CTNNA3: variants seen among roughly 807,000 people sequenced by gnomAD.
The protein encoded by CTNNA3 is catenin alpha 3.
Under a neutral mutation model 95.7 loss-of-function variants are expected in CTNNA3, and 76 were observed. The observed-to-expected ratio is 0.79, with a 90% CI of 0.66 to 0.96. The LOEUF is 0.96. Ranked by LOEUF, CTNNA3 falls within the 40% of genes least tolerant of loss-of-function variation. The probability of loss-of-function intolerance (pLI) is 0.00; values close to 1 mark genes in which losing one functional copy is unlikely to be tolerated. For missense variants in CTNNA3, 1,191 were observed against 1,089.8 expected (o/e 1.09, Z -1.31); for synonymous variants, 431 against 374.4 (o/e 1.15, Z -1.74).
chr10:66,683,413 G>C (rs1847137152), intron 9 of CTNNA3, among the ~76,000 whole-genome samples: 1 of 152,108 alleles, frequency 6.6e-6, no homozygotes, highest in African/African-American at 2.4e-5. Flanking sequence ...TTAGGAAACA[G>C]TAAATTAAAC....
intron 1 of CTNNA3, among the ~76,000 whole-genome samples, chr10:67,684,968 T>C (rs1024997687): frequency 2.0e-5 from 3 of 152,152 alleles, no homozygotes; most frequent in African/African-American, 4.8e-5. Context: ...GACTGGTTAG[T>C]GTAAAAGCAA....
chr10:67,737,731 C>T (rs903269418), intron 1 of CTNNA3, among the ~76,000 whole-genome samples: 42 of 152,010 alleles, frequency 2.8e-4, no homozygotes, highest in Non-Finnish European at 5.6e-4. Flanking sequence ...GTTAGAATGG[C>T]GATCATTAAA....
At chr10:66,893,881 T>TC (rs1240616659) in intron 7 of CTNNA3, among the ~76,000 whole-genome samples, 1 of 152,142 alleles carries the variant, frequency 6.6e-6, no homozygotes, top group Non-Finnish European at 1.5e-5. Context: ...GTTTACAAGT[T>TC]CTTTGCAATA....
chr10:66,522,813 G>A (rs534865554), intron 10 of CTNNA3, among the ~76,000 whole-genome samples: 2 of 151,528 alleles, frequency 1.3e-5, no homozygotes, highest in Non-Finnish European at 2.9e-5. Context: ...GTGCAAAAAT[G>A]TTGAATTCTA....
chr10:67,391,720 G>C lies in CTNNA3; in HGVS notation c.579+130122C>G, dbSNP rs1295087145. Among the ~76,000 whole-genome samples the C allele has an allele frequency of 1.5e-3, 222 of 148,610 alleles. 4 individuals are homozygous for C. The highest frequency in any genetic ancestry group is 3.4e-4 in the Non-Finnish European group (23 of 67,164). On this transcript the variant is annotated intron_variant, in intron 5 of 17. Coordinates refer to ENST00000433211, the MANE Select transcript of CTNNA3 (RefSeq NM_013266.4). ...ACCAAAACAGAGATATAGATCAATG[G>C]AACAGAACAGAGCCCTCAGAAATAA...
At chr10:66,622,024 C>A (rs184632212) in intron 9 of CTNNA3, among the ~76,000 whole-genome samples, 3 of 152,140 alleles carry the variant, frequency 2.0e-5, no homozygotes, top group Non-Finnish European at 4.4e-5. Context: ...AATCAGTAAA[C>A]CCTATACAGT....
At chr10:66,136,478 C>A (rs775304470) in intron 13 of CTNNA3, among the ~76,000 whole-genome samples, 5 of 148,002 alleles carry the variant, frequency 3.4e-5, no homozygotes, top group African/African-American at 5.0e-5. Context: ...TTTTCAAACA[C>A]TAAATAGTAA....
At chr10:66,978,552 A>AAATAAAATAAAAAAAAAATATATATATAT in intron 7 of CTNNA3, among the ~76,000 whole-genome samples, 2 of 37,866 alleles carry the variant, frequency 5.3e-5, no homozygotes, top group Admixed American at 4.9e-4. Flanking sequence ...AAAAAAAAAA[A>AAATAAAATAAAAAAAAAATATATATATAT]ATATATATAT....
intron 17 of CTNNA3, among the ~76,000 whole-genome samples, chr10:65,928,266 A>T (rs1248349104): frequency 6.6e-6 from 1 of 152,140 alleles, no homozygotes; most frequent in Non-Finnish European, 1.5e-5. Context: ...CTTTTTAAAT[A>T]ATCTTGGAAT....
At chr10:66,376,621 T>C (rs539350689) in intron 12 of CTNNA3, among the ~76,000 whole-genome samples, 1 of 152,252 alleles carries the variant, frequency 6.6e-6, no homozygotes, top group Admixed American at 6.6e-5. Flanking sequence ...TTTATGACAA[T>C]ACTTTAAGGC....
chr10:67,450,756 C>A (rs893251284), intron 5 of CTNNA3, among the ~76,000 whole-genome samples: 2 of 151,642 alleles, frequency 1.3e-5, no homozygotes, highest in Admixed American at 6.6e-5. Context: ...ATATAAAAAA[C>A]CTGCACATGT....
chr10:65,981,833 T>C (rs1409440576), intron 16 of CTNNA3, among the ~76,000 whole-genome samples: 2 of 151,712 alleles, frequency 1.3e-5, no homozygotes, highest in East Asian at 3.9e-4. Context: ...TCTCACCCTA[T>C]AAAAAAATCA....
chr10:67,077,353 C>T (rs1004752371), intron 7 of CTNNA3, among the ~76,000 whole-genome samples: 10 of 152,236 alleles, frequency 6.6e-5, no homozygotes, highest in African/African-American at 2.4e-4. Context: ...CCTTCAAAAT[C>T]CCTAAAAATT....
At chr10:67,101,933 T>C (rs1028559936) in intron 7 of CTNNA3, among the ~76,000 whole-genome samples, 3 of 143,714 alleles carry the variant, frequency 2.1e-5, no homozygotes, top group Admixed American at 7.0e-5. Context: ...GAAATGCAGA[T>C]GTTCTGGGTA....
intron 9 of CTNNA3, among the ~76,000 whole-genome samples, chr10:66,747,207 T>G (rs1032276833): frequency 6.6e-6 from 1 of 152,202 alleles, no homozygotes; most frequent in Non-Finnish European, 1.5e-5. Flanking sequence ...GTCTCGGGCC[T>G]TAATGCTTTT....
chr10:66,254,475 T>C (rs987245570), intron 13 of CTNNA3, among the ~76,000 whole-genome samples: 2 of 152,152 alleles, frequency 1.3e-5, no homozygotes, highest in East Asian at 1.9e-4. Flanking sequence ...TTAAAGTCCA[T>C]AAAAACCCCT....
At chr10:66,121,787 G>C (rs1045781856) in intron 13 of CTNNA3, among the ~76,000 whole-genome samples, 3 of 152,096 alleles carry the variant, frequency 2.0e-5, no homozygotes, top group African/African-American at 7.2e-5. Context: ...GTTGCAGTAA[G>C]ACCACACCAC....
At chr10:65,966,347 G>T (rs1170547275) in intron 17 of CTNNA3, among the ~76,000 whole-genome samples, 1 of 152,070 alleles carries the variant, frequency 6.6e-6, no homozygotes, top group African/African-American at 2.4e-5. Flanking sequence ...AAATTAACAT[G>T]CATTTCTTAT....
intron 7 of CTNNA3, among the ~76,000 whole-genome samples, chr10:66,809,806 C>CTTTT (rs71035181): frequency 1.4e-5 from 2 of 142,374 alleles, no homozygotes; most frequent in Admixed American, 1.4e-4. Flanking sequence ...TTGCTGATTT[C>CTTTT]TTTTTTTTTT....
Sources: allele counts gnomAD v4.1 joint callset (sites outside exome capture counted in the v4.1 genomes callset), GRCh38; gene constraint gnomAD v4.1.1; transcripts MANE v1.5; gene names NCBI Gene and HGNC (gene_info 2026-07-23, HGNC 2026-07-21).